DGKH: variants seen among roughly 807,000 people sequenced by gnomAD.
The protein encoded by DGKH is diacylglycerol kinase eta, also known as DAG kinase eta.
In DGKH, 90 loss-of-function variants were observed where a neutral mutation model predicts 159.3. That is an observed-to-expected ratio of 0.57 (90% CI 0.48 to 0.67). The LOEUF (loss-of-function observed/expected upper bound fraction) is 0.67. Ranked by LOEUF, DGKH falls within the 30% of genes least tolerant of loss-of-function variation. The pLI is 0.00. For synonymous variants in DGKH, 536 were observed against 553.8 expected (o/e 0.97, Z 0.45); for missense variants, 1,181 against 1,506.1 (o/e 0.78, Z 3.57).
chr13:42,184,053 A>G (rs35859771), intron 13 of DGKH, among the ~76,000 whole-genome samples: 17,963 of 152,222 alleles, frequency 0.12, 1,563 homozygotes, highest in East Asian at 0.41. Context: ...AATCTACTTT[A>G]GGGATAATTT....
At chr13:42,099,871 C>T (rs1954621615) in intron 1 of DGKH, among the ~76,000 whole-genome samples, 1 of 152,124 alleles carries the variant, frequency 6.6e-6, no homozygotes, top group South Asian at 2.1e-4. Flanking sequence ...CTGGGGGCTG[C>T]AGAGGTGCTT....
chr13:42,092,088 A>T (rs1413788086), intron 1 of DGKH, among the ~76,000 whole-genome samples: 1 of 152,194 alleles, frequency 6.6e-6, no homozygotes, highest in East Asian at 1.9e-4. Context: ...ACAAAAGATA[A>T]CAAGTTTTGG....
chr13:42,185,852 C>G (rs1473930932), intron 13 of DGKH, among the ~76,000 whole-genome samples: 3 of 152,118 alleles, frequency 2.0e-5, no homozygotes, highest in Non-Finnish European at 4.4e-5. Flanking sequence ...AAAGAAGGTT[C>G]AGGATTAGAA....
At chr13:42,192,033 A>G (rs1001861279) in intron 16 of DGKH, among the ~76,000 whole-genome samples, 1 of 152,206 alleles carries the variant, frequency 6.6e-6, no homozygotes, top group African/African-American at 2.4e-5. Context: ...AGTTACTATA[A>G]GTAAAGTGCC....
At chr13:42,047,025 A>G (rs1880836381), upstream of DGKH, among the ~76,000 whole-genome samples, 2 of 152,218 alleles carry the variant, frequency 1.3e-5, no homozygotes, top group Non-Finnish European at 2.9e-5. Flanking sequence ...AATTTCCAGA[A>G]ATATGTTCTT....
chr13:42,083,507 G>A (rs989337190), intron 1 of DGKH, among the ~76,000 whole-genome samples: 1 of 152,214 alleles, frequency 6.6e-6, no homozygotes, highest in Non-Finnish European at 1.5e-5. Context: ...TGGTAATGCA[G>A]GAAGTTCTGG....
chr13:42,052,587 A>G (rs1408094814), intron 1 of DGKH, among the ~76,000 whole-genome samples: 3 of 152,244 alleles, frequency 2.0e-5, no homozygotes, highest in Non-Finnish European at 4.4e-5. Flanking sequence ...GCATTCAGAC[A>G]TACTGTTGTA....
At chr13:42,071,659 T>C (rs1251846307) in intron 1 of DGKH, among the ~76,000 whole-genome samples, 2 of 152,244 alleles carry the variant, frequency 1.3e-5, no homozygotes, top group Non-Finnish European at 2.9e-5. Context: ...TGTCCTTTGT[T>C]AATGAACAGG....
chr13:42,102,192 C>T lies in DGKH; in HGVS notation c.193-25271C>T, dbSNP rs561311161. On this transcript the variant is annotated intron_variant, in intron 1 of 29. Transcript: ENST00000337343. ...TGGCTCTGTTGACTTGCTCTGTGTC[C>T]TCTGGAGGCTGTGGAGACACTAAAC... 4.6e-5 allele frequency among the ~76,000 whole-genome samples: 7 copies of T among 152,306 alleles called. No individual in the cohort carries two copies. The South Asian group carries it at 1.5e-3, about 32-fold the overall frequency.
intron 1 of DGKH, among the ~76,000 whole-genome samples, chr13:42,064,834 C>T (rs1882445710): frequency 6.6e-6 from 1 of 151,546 alleles, no homozygotes; most frequent in Non-Finnish European, 1.5e-5. Flanking sequence ...TTACTTAGAA[C>T]ACAAAAAGAA....
chr13:42,158,192 C>T (rs182287657), intron 5 of DGKH, among the ~76,000 whole-genome samples: 165 of 152,298 alleles, frequency 1.1e-3, no homozygotes, highest in Non-Finnish European at 1.6e-3. Flanking sequence ...CTTTTGTTTT[C>T]GTGTTATATC....
At chr13:42,119,963 G>GT (rs1174530306) in intron 1 of DGKH, among the ~76,000 whole-genome samples, 1 of 151,966 alleles carries the variant, frequency 6.6e-6, no homozygotes, top group African/African-American at 2.4e-5. Context: ...TACAAACTTT[G>GT]ATACTTCCTT....
At chr13:42,153,325 G>T (rs890545514) in intron 3 of DGKH, among the ~76,000 whole-genome samples, 1 of 152,096 alleles carries the variant, frequency 6.6e-6, no homozygotes, top group African/African-American at 2.4e-5. Flanking sequence ...GACATTTAAT[G>T]TAAAGGCACT....
At position 42,230,583 on chromosome 13, in the gene DGKH, A is replaced by G. The variant is rs1958264625; in HGVS notation, c.*1395A>G. On this transcript the variant is annotated 3_prime_UTR_variant, in exon 30 of 30. Transcript: ENST00000337343. ...ATTTTAAAATTTGTATATAAGAGAAATAAACAGGGTACTGACTCAGTGGTG... is the reference window on the plus strand; with the variant it reads ...ATTTTAAAATTTGTATATAAGAGAAGTAAACAGGGTACTGACTCAGTGGTG... The G allele has an allele frequency of 6.6e-6, 1 of 152,118 alleles. No individual in the cohort carries two copies. The highest frequency in any genetic ancestry group is 2.1e-4 in the South Asian group (1 of 4,836). The allele number at this position is 152,118 out of a possible 1,614,324, so 9.4% of individuals were successfully genotyped here. A position where few individuals can be genotyped will look rare whatever the true frequency, so the allele number is the denominator to read the frequency against.
intron 1 of DGKH, among the ~76,000 whole-genome samples, chr13:42,067,241 G>A (rs1199070503): frequency 1.3e-5 from 2 of 152,030 alleles, no homozygotes; most frequent in Non-Finnish European, 2.9e-5. Context: ...TATTTTAAGG[G>A]AAAAATAGTA....
chr13:42,247,082 TG>T (rs1958586329), downstream of DGKH, among the ~76,000 whole-genome samples: 1 of 152,184 alleles, frequency 6.6e-6, no homozygotes, highest in African/African-American at 2.4e-5. Flanking sequence ...ATTACTCTCA[TG>T]TTTGTGGTGT....
intron 26 of DGKH, 100 bp downstream of exon 26, chr13:42,215,767 C>G (rs1262861063): frequency 1.9e-6 from 2 of 1,061,144 alleles, no homozygotes; most frequent in East Asian, 5.3e-5. Flanking sequence ...AAGGCAGAAG[C>G]AGCCTTCTGG....
chr13:42,151,920 C>T (rs1955915753), intron 3 of DGKH, among the ~76,000 whole-genome samples: 2 of 152,076 alleles, frequency 1.3e-5, no homozygotes, highest in South Asian at 2.1e-4. Flanking sequence ...CAACAGTGTA[C>T]AAGCATTCCC....
intron 3 of DGKH, among the ~76,000 whole-genome samples, chr13:42,142,162 C>T (rs1187194568): frequency 6.6e-6 from 1 of 152,098 alleles, no homozygotes; most frequent in Non-Finnish European, 1.5e-5. Context: ...AATCGTTTCC[C>T]CATTTCTTGT....
Sources: allele counts gnomAD v4.1 joint callset (sites outside exome capture counted in the v4.1 genomes callset), GRCh38; gene constraint gnomAD v4.1.1; transcripts MANE v1.5; gene names NCBI Gene and HGNC (gene_info 2026-07-23, HGNC 2026-07-21).